LTN1: variants seen among roughly 807,000 people sequenced by gnomAD.
LTN1 encodes the protein listerin E3 ubiquitin protein ligase 1.
In LTN1, 88 loss-of-function variants were observed where a neutral mutation model predicts 201.2. The ratio of observed to expected loss-of-function variants is 0.44; its 90% CI spans 0.37 to 0.52. The LOEUF (loss-of-function observed/expected upper bound fraction) is 0.52. Ranked by LOEUF, LTN1 falls within the 20% of genes least tolerant of loss-of-function variation. The pLI, the probability that LTN1 is intolerant of heterozygous loss-of-function variation, is 0.00. For synonymous variants in LTN1, 645 were observed against 713.5 expected (o/e 0.90, Z 1.53); for missense variants, 1,752 against 2,038.7 (o/e 0.86, Z 2.71).
intron 1 of LTN1, 100 bp from the exon 2 acceptor site, chr21:28,987,034 A>G: frequency 2.9e-6 from 2 of 688,230 alleles, no homozygotes; most frequent in Non-Finnish European, 4.6e-6. Context: ...ATGAGCTTTT[A>G]TTTTATTTTC....
chr21:28,939,453 C>A (rs1206174082), intron 25 of LTN1, among the ~76,000 whole-genome samples: 1 of 152,144 alleles, frequency 6.6e-6, no homozygotes, highest in Admixed American at 6.6e-5. Context: ...ACATATACAA[C>A]TTTTTCCAGT....
chr21:28,947,357 G>A, intron 19 of LTN1, 107 bp downstream of exon 19: 1 of 865,434 alleles, frequency 1.2e-6, no homozygotes. Flanking sequence ...GAACAAATCA[G>A]CTGTAATTCA....
At chr21:28,980,631 A>G (rs1276836554) in intron 6 of LTN1, among the ~76,000 whole-genome samples, 1 of 151,914 alleles carries the variant, frequency 6.6e-6, no homozygotes, top group Non-Finnish European at 1.5e-5. Flanking sequence ...AAATGCTGTG[A>G]ATAGCTCACA....
intron 25 of LTN1, among the ~76,000 whole-genome samples, chr21:28,940,303 T>C (rs1458321723): frequency 6.6e-6 from 1 of 152,184 alleles, no homozygotes; most frequent in African/African-American, 2.4e-5. Context: ...TGGGGATCCT[T>C]CTAACAGAAA....
chr21:28,943,742 A>G lies in LTN1; in HGVS notation c.4145T>C (p.Leu1382Ser). The G allele has an allele frequency of 6.2e-7, 1 of 1,613,932 alleles. No homozygotes were observed. The highest frequency in any genetic ancestry group is 8.5e-7 in the Non-Finnish European group (1 of 1,179,876). The change falls in exon 23 of 30, where the codon TTG becomes TCG. Residue 1382 changes from leucine (L) to serine (S), a missense_variant. Around this residue, in one of 3 missense-constraint regions of LTN1, gnomAD observed 1,211 missense variants for 1,312.8 expected, o/e 0.92. Coordinates refer to ENST00000361371, the MANE Select transcript of LTN1 (RefSeq NM_015565.3). Reference protein sequence around the residue: ...KTNLPEYLQTLLNTLAPLLLF... With the variant: ...KTNLPEYLQTSLNTLAPLLLF... ...GAGTAATGGGGCCAATGTATTTAAC[A>G]AAGTCTGGAGATATTCTGGTAAGTT...
In LTN1 at chr21:28,932,629, A is replaced by T; in HGVS notation, c.4911T>A (p.Ala1637=). 1 of 1,613,286 alleles carries T rather than the reference A, an allele frequency of 6.2e-7. No homozygotes were observed. Among genetic ancestry groups the T allele is most frequent in the Non-Finnish European group, 8.5e-7 (1 of 1,179,682 alleles). Residue 1637 remains alanine (A), a synonymous_variant, in exon 28 of 30, where the codon GCT becomes GCA. Transcript: ENST00000361371. ...KARATTREVM[A]TYTIEDIVIE... is the part of the protein sequence containing the mutation. ...TAACTATGTCCTCAATAGTATAAGT[A>T]GCCATTACCTCTCGAGTAGTAGCTC...
At chr21:28,939,929 C>T (rs2084284413) in intron 25 of LTN1, among the ~76,000 whole-genome samples, 1 of 152,172 alleles carries the variant, frequency 6.6e-6, no homozygotes, top group South Asian at 2.1e-4. Flanking sequence ...ATCAATGCTG[C>T]TTCTGTGATT....
At chr21:28,985,984 G>A (rs1179531631) in intron 3 of LTN1, among the ~76,000 whole-genome samples, 155 bp downstream of exon 3, 12 of 151,878 alleles carry the variant, frequency 7.9e-5, no homozygotes, top group Admixed American at 4.6e-4. Flanking sequence ...TTATTTCCAC[G>A]CTCTTCTCAA....
intron 1 of LTN1, among the ~76,000 whole-genome samples, chr21:28,988,926 T>C (rs969245429): frequency 6.6e-6 from 1 of 151,364 alleles, no homozygotes; most frequent in Non-Finnish European, 1.5e-5. Context: ...GATTGCGCCA[T>C]TGCACTCCAG....
In LTN1 at chr21:28,936,579, G is replaced by A; in HGVS notation, c.4601C>T (p.Pro1534Leu). ...PTYAETAVEV[P>L]NKDPKTFFTE... Reference sequence around the variant, plus strand: ...AAAGAATGTTTTAGGGTCCTTATTTGGGACCTCAACTGCTGTCTCTGCATA... The same window carrying A: ...AAAGAATGTTTTAGGGTCCTTATTTAGGACCTCAACTGCTGTCTCTGCATA... The change falls in exon 26 of 30, where the codon CCA (proline) becomes CTA (leucine). Residue 1534 changes from proline to leucine, a missense_variant. Around this residue, in one of 3 missense-constraint regions of LTN1, gnomAD observed 261 missense variants for 350.1 expected, o/e 0.75. Transcript: ENST00000361371. 1 of 1,613,758 alleles carries A rather than the reference G, an allele frequency of 6.2e-7. No homozygotes were observed. The highest frequency in any genetic ancestry group is 8.5e-7 in the Non-Finnish European group (1 of 1,179,762).
At chr21:28,954,829 T>C (rs1048447788) in intron 16 of LTN1, among the ~76,000 whole-genome samples, 58 of 152,248 alleles carry the variant, frequency 3.8e-4, no homozygotes, top group African/African-American at 1.3e-3. Flanking sequence ...TGAAACTATA[T>C]AAAACAACTA....
In LTN1 at chr21:28,936,593, T is replaced by C. The variant is rs997728790; in HGVS notation, c.4587A>G (p.Thr1529=). ...LMPENPTYAE[T]AVEVPNKDPK... is the part of the protein sequence containing the mutation. ...GGTCCTTATTTGGGACCTCAACTGC[T>C]GTCTCTGCATAGGTTGGATTTTCTG... The change falls in exon 26 of 30, where the codon ACA becomes ACG. Residue 1529 remains threonine (T), a synonymous_variant. Transcript: ENST00000361371. The C allele has an allele frequency of 5.7e-5, 92 of 1,613,904 alleles. No individual in the cohort carries two copies. The highest frequency in any genetic ancestry group is 7.6e-5 in the Non-Finnish European group (90 of 1,179,904).
rs1457489917 is a variant in LTN1 at position 28,992,770 on chromosome 21, G to A, written c.36C>T (p.Asn12=). Residue 12 remains asparagine (N), a synonymous_variant, in exon 1 of 30, where the codon AAC becomes AAT. Transcript: ENST00000361371. ...CGAGCCAGCCCCCGCTCACCCTCAG[G>A]TTCCCTTTAGTTCGCTGCTTGTTCT... The part of the protein sequence containing the change: ...GGKNKQRTKG[N]LRPSNSGRAA... The A allele has an allele frequency of 1.9e-6, 3 of 1,614,166 alleles. No individual in the cohort carries two copies. The highest frequency in any genetic ancestry group is 2.5e-6 in the Non-Finnish European group (3 of 1,180,028).
At chr21:28,987,696 T>C (rs2084709002) in intron 1 of LTN1, among the ~76,000 whole-genome samples, 1 of 152,172 alleles carries the variant, frequency 6.6e-6, no homozygotes, top group South Asian at 2.1e-4. Context: ...AGAAAGAAAA[T>C]ATTTGAACTG....
chr21:28,956,980 TTTA>T, intron 15 of LTN1, 32 bp from the exon 16 acceptor site: 3 of 1,335,418 alleles, frequency 2.2e-6, no homozygotes, highest in Non-Finnish European at 2.0e-6. Flanking sequence ...TACAAAATTA[TTTA>T]TTACCTAAGC....
rs774949931 is a variant in LTN1 at position 28,986,391 on chromosome 21, G to A, written c.247-154C>T. The A allele has an allele frequency of 2.9e-6, 2 of 686,012 alleles. No homozygotes were observed. The highest frequency in any genetic ancestry group is 4.6e-5 in the Admixed American group (2 of 43,712). 42.5% of individuals were successfully genotyped at this position (686,012 alleles called of 1,614,324 possible). A position where few individuals can be genotyped will look rare whatever the true frequency, so the allele number is the denominator to read the frequency against. Reference sequence around the variant, plus strand: ...ACTAGTTTGAAGAGCTCTTTCACAGGCTACTACGGTAGAAACTCTTCAGTT... The same window carrying A: ...ACTAGTTTGAAGAGCTCTTTCACAGACTACTACGGTAGAAACTCTTCAGTT... On this transcript the variant is annotated intron_variant, in intron 2 of 29. Transcript: ENST00000361371. The surrounding 1 kb of genome is among the most constrained non-coding windows in gnomAD (Gnocchi z 4.1).
Position 28,986,093 on chromosome 21 carries a change from CA to C in LTN1, c.345+45del. 9.4e-6 allele frequency: 11 copies of C among 1,165,104 alleles called. No homozygotes were observed. The highest frequency in any genetic ancestry group is 1.2e-5 in the Non-Finnish European group (9 of 780,112). 72.2% of individuals were successfully genotyped at this position (1,165,104 alleles called of 1,614,324 possible). A position where few individuals can be genotyped will look rare whatever the true frequency, so the allele number is the denominator to read the frequency against. The stretch of plus-strand genomic sequence containing the variant: ...ATTTGAGAGTCTCCATGACTCCAAC[CA>C]AAAAATATACAACAGAAATAAACTA... On this transcript the variant is annotated intron_variant, in intron 3 of 29. Transcript: ENST00000361371. The surrounding 1 kb of genome is among the most constrained non-coding windows in gnomAD (Gnocchi z 4.1).
intron 1 of LTN1, among the ~76,000 whole-genome samples, chr21:28,992,174 C>G (rs1223347952): frequency 6.6e-6 from 1 of 152,158 alleles, no homozygotes. Context: ...TTGGAGCCAC[C>G]TAACTGAAGA....
intron 29 of LTN1, among the ~76,000 whole-genome samples, 184 bp downstream of exon 29, chr21:28,930,971 T>G (rs2146250099): frequency 6.6e-6 from 1 of 152,262 alleles, no homozygotes; most frequent in East Asian, 1.9e-4. Context: ...CTAATTATCT[T>G]TGGCAGATTT....
Sources: gnomAD v4.1 joint callset for allele counts (sites outside exome capture counted in the v4.1 genomes callset) on GRCh38, gnomAD v4.1.1 for gene constraint, gnomAD v4.1.1 regional missense constraint, Gnocchi (gnomAD v3.1) non-coding constraint, MANE v1.5 for transcripts, NCBI Gene and HGNC (gene_info 2026-07-23, HGNC 2026-07-21) for gene names.